FUT8: variants seen among roughly 807,000 people sequenced by gnomAD.
FUT8 encodes the protein fucosyltransferase 8.
A neutral mutation model predicts 71.3 loss-of-function variants in FUT8; 29 were observed. The ratio of observed to expected loss-of-function variants is 0.41; its 90% CI spans 0.30 to 0.55. The LOEUF is 0.55. FUT8 is among the 20% of genes least tolerant of loss of function. The pLI, the probability that FUT8 is intolerant of heterozygous loss-of-function variation, is 0.34. For synonymous variants in FUT8, 254 were observed against 239.3 expected, an observed-to-expected ratio of 1.06 and a Z score of -0.57; for missense variants, 544 against 702.1, an observed-to-expected ratio of 0.77 and a Z score of 2.55.
chr14:65,588,288 C>G (rs1382412149), intron 3 of FUT8, among the ~76,000 whole-genome samples: 1 of 152,124 alleles, frequency 6.6e-6, no homozygotes, highest in African/African-American at 2.4e-5. Context: ...CATGCTCTTC[C>G]TTCTGTTTGA....
chr14:65,422,844 G>T (rs1383404154), intron 1 of FUT8, among the ~76,000 whole-genome samples: 1 of 151,694 alleles, frequency 6.6e-6, no homozygotes, highest in South Asian at 2.1e-4. Context: ...TAGAGGCAGG[G>T]TCTCGCTGTA....
chr14:65,369,216 G>C, the FUT8 span, among the ~76,000 whole-genome samples: 1 of 152,182 alleles, frequency 6.6e-6, no homozygotes, highest in Non-Finnish European at 1.5e-5. The surrounding 1 kb of genome is among the most constrained non-coding windows in gnomAD (Gnocchi z 4.6). Flanking sequence ...CAGGAAAAGA[G>C]GAAAGACCAG....
At chr14:65,439,952 GTGTATATATATATA>G (rs1366599836) in intron 1 of FUT8, among the ~76,000 whole-genome samples, 4 of 38,224 alleles carry the variant, frequency 1.0e-4, no homozygotes, top group East Asian at 1.4e-3. Flanking sequence ...GTGTGTGTGT[GTGTATATATATATA>G]TATATATATA....
chr14:65,445,973 A>G (rs937705766), intron 1 of FUT8, among the ~76,000 whole-genome samples: 1 of 152,230 alleles, frequency 6.6e-6, no homozygotes, highest in Non-Finnish European at 1.5e-5. Flanking sequence ...ATCATGTGCA[A>G]AGAATTGGGA....
rs988198087 is a variant in FUT8, at chr14:65,703,406, C to T, written c.836-18369C>T. Among the ~76,000 whole-genome samples, 2 of 152,150 alleles carry T rather than the reference C, an allele frequency of 1.3e-5. 1 individual carries two copies. Among genetic ancestry groups the T allele is most frequent in the African/African-American group, 4.8e-5 (2 of 41,420 alleles). ...ATCCCCTCTTCTTCCCAATTAAACCCAAAAGGATAAAATATAGCCATTTTT... is the reference window on the plus strand; with the variant it reads ...ATCCCCTCTTCTTCCCAATTAAACCTAAAAGGATAAAATATAGCCATTTTT... On this transcript the variant is annotated intron_variant, in intron 7 of 10. Transcript: ENST00000673929.
intron 2 of FUT8, among the ~76,000 whole-genome samples, chr14:65,545,223 TA>T (rs1023895188): frequency 1.3e-5 from 2 of 151,952 alleles, no homozygotes; most frequent in African/African-American, 4.8e-5. Flanking sequence ...AGCAAAGCAA[TA>T]AAAAAGATTT....
intron 3 of FUT8, among the ~76,000 whole-genome samples, chr14:65,570,478 A>G (rs917097963): frequency 1.3e-5 from 2 of 151,868 alleles, no homozygotes; most frequent in African/African-American, 4.8e-5. Context: ...AGGGTTTGCC[A>G]TGTTATACTG....
At chr14:65,673,150 G>T (rs1892551781) in intron 7 of FUT8, among the ~76,000 whole-genome samples, 1 of 152,198 alleles carries the variant, frequency 6.6e-6, no homozygotes, top group Non-Finnish European at 1.5e-5. Context: ...GAGGTGCCTG[G>T]TTTAAATACA....
At chr14:65,543,235 A>G (rs1019557652) in intron 2 of FUT8, among the ~76,000 whole-genome samples, 7 of 152,196 alleles carry the variant, frequency 4.6e-5, no homozygotes, top group Admixed American at 1.3e-4. Context: ...TGCTTTTGAC[A>G]TTTTATGCAC....
intron 7 of FUT8, among the ~76,000 whole-genome samples, chr14:65,679,526 G>A (rs1188935803): frequency 6.6e-6 from 1 of 152,098 alleles, no homozygotes; most frequent in Admixed American, 6.5e-5. Context: ...ATTAATAATG[G>A]AAATTGAGTT....
rs1181561934 is a variant in FUT8, at chr14:65,412,805, C to G, written c.-735C>G. ...TGTCAGAGCCGCTCCGGCGCGTGCG[C>G]GCGTTATCTCCGGCCGACCCGAGCA... On this transcript the variant is annotated 5_prime_UTR_variant, in exon 1 of 11. Transcript: ENST00000673929. 1 of 167,564 alleles carries G rather than the reference C, an allele frequency of 6.0e-6. No individual in the cohort carries two copies. Among genetic ancestry groups the G allele is most frequent in the Admixed American group, 6.4e-5 (1 of 15,516 alleles). 10.4% of individuals were successfully genotyped at this position (167,564 alleles called of 1,614,324 possible). A position where few individuals can be genotyped will look rare whatever the true frequency, so the allele number is the denominator to read the frequency against.
intron 2 of FUT8, among the ~76,000 whole-genome samples, chr14:65,500,730 C>T (rs1373952393): frequency 6.6e-6 from 1 of 152,022 alleles, no homozygotes; most frequent in Non-Finnish European, 1.5e-5. Flanking sequence ...AGTGTAATAA[C>T]CCAAACTAGA....
intron 2 of FUT8, among the ~76,000 whole-genome samples, chr14:65,485,435 A>G (rs533865759): frequency 1.6e-4 from 24 of 152,284 alleles, no homozygotes; most frequent in Admixed American, 7.8e-4. Flanking sequence ...GCCTGGAGCA[A>G]TGCTCAATCC....
intron 1 of FUT8, among the ~76,000 whole-genome samples, chr14:65,426,716 C>T (rs1009402985): frequency 7.9e-5 from 12 of 152,192 alleles, no homozygotes; most frequent in African/African-American, 2.9e-4. Flanking sequence ...CTTACACCTG[C>T]TGTTTTTCAA....
intron 3 of FUT8, among the ~76,000 whole-genome samples, chr14:65,596,081 A>G (rs1887963961): frequency 6.6e-6 from 1 of 152,178 alleles, no homozygotes; most frequent in Non-Finnish European, 1.5e-5. Context: ...GACCTGACAA[A>G]CTGGTAATCT....
chr14:65,563,648 A>G (rs775416509), intron 3 of FUT8, among the ~76,000 whole-genome samples: 2 of 151,942 alleles, frequency 1.3e-5, no homozygotes, highest in Non-Finnish European at 2.9e-5. Context: ...TGCTCCTAAA[A>G]AGATTTTTCC....
chr14:65,561,827 G>A (rs1885930925), intron 3 of FUT8, 61 bp downstream of exon 3: 1 of 1,343,062 alleles, frequency 7.4e-7, no homozygotes, highest in Admixed American at 1.8e-5. Flanking sequence ...TTAGGTGTAG[G>A]GCTTCATTCC....
rs1895431871 is a variant in FUT8, at chr14:65,721,864, C to G, written c.925C>G (p.Pro309Ala). ...TCCTCCATATTTACCCTTGGCTGTA[C>G]CAGAAGACCTCGCAGATCGACTTGT... ...PRPPYLPLAV[P>A]EDLADRLVRV... Residue 309 changes from proline to alanine, a missense_variant, in exon 8 of 11, where the codon CCA becomes GCA. By Grantham distance (27) the Pro-to-Ala change is conservative. Coordinates refer to ENST00000673929, the MANE Select transcript of FUT8 (RefSeq NM_001371533.1). The G allele has an allele frequency of 6.2e-7, 1 of 1,614,052 alleles. No homozygotes were observed. The highest frequency in any genetic ancestry group is 1.3e-5 in the African/African-American group (1 of 74,916).
intron 3 of FUT8, among the ~76,000 whole-genome samples, chr14:65,602,417 C>G (rs1708770181): frequency 6.9e-6 from 1 of 144,606 alleles, no homozygotes; most frequent in Admixed American, 7.1e-5. Flanking sequence ...TCTTTATCCA[C>G]TCATTGATTG....
Sources: gnomAD v4.1 joint callset for allele counts (sites outside exome capture counted in the v4.1 genomes callset) on GRCh38, gnomAD v4.1.1 for gene constraint, Gnocchi (gnomAD v3.1) non-coding constraint, MANE v1.5 for transcripts, NCBI Gene and HGNC (gene_info 2026-07-23, HGNC 2026-07-21) for gene names.